Variants in TRPC1 observed in about 807,000 individuals in gnomAD.
TRPC1 encodes short transient receptor potential channel 1.
TRPC1 carries 42 observed loss-of-function variants against 88.2 expected under a neutral mutation model. The observed-to-expected ratio is 0.48, with a 90% confidence interval of 0.37 to 0.62. The LOEUF (loss-of-function observed/expected upper bound fraction) is 0.62, where lower values mean the gene tolerates loss of function less well. Among genes scored for constraint, TRPC1 ranks in the 20% least tolerant of loss-of-function variants. TRPC1 has a pLI of 0.00. For missense variants in TRPC1, 699 were observed against 957.3 expected (o/e 0.73, Z 3.56); for synonymous variants, 288 against 331.8 (o/e 0.87, Z 1.43).
chr3:142,762,428 A>ATTTTTT (rs755194552), intron 4 of TRPC1, among the ~76,000 whole-genome samples: 11 of 103,654 alleles, frequency 1.1e-4, no homozygotes, highest in African/African-American at 1.5e-4. Context: ...TTTATTCTTG[A>ATTTTTT]TTTTTTTTTT....
chr3:142,780,374 CAT>C (rs1316665163), intron 5 of TRPC1, among the ~76,000 whole-genome samples: 2 of 152,022 alleles, frequency 1.3e-5, no homozygotes, highest in South Asian at 2.1e-4. Flanking sequence ...TTAGAAGTAA[CAT>C]AAACATATTG....
chr3:142,784,971 G>T lies in TRPC1; in HGVS notation c.1228G>T (p.Glu410Ter). 6.2e-7 allele frequency: 1 copy of T among 1,613,788 alleles called. No individual in the cohort carries two copies. Among genetic ancestry groups the T allele is most frequent in the South Asian group, 1.1e-5 (1 of 91,024 alleles). Residue 410 changes from glutamate to a stop codon, truncating the protein, a stop_gained, in exon 7 of 13, where the codon GAG (glutamate) becomes TAG (stop). Transcript: ENST00000476941. LOFTEE classifies it high-confidence loss of function. The stretch of plus-strand genomic sequence containing the variant: ...TAATCTATACTCTCTTGTCTACAAT[G>T]AGGATAAGAAAAACACAATGGGGCC... The part of the protein sequence containing the change: ...LLNLYSLVYN[E>*]DKKNTMGPAL...
intron 4 of TRPC1, among the ~76,000 whole-genome samples, chr3:142,763,983 TACACATAC>T (rs1370028202): frequency 0.012 from 909 of 73,324 alleles, 74 homozygotes; most frequent in African/African-American, 0.045. Context: ...TATATATATA[TACACATAC>T]ATACATACAT....
intron 9 of TRPC1, among the ~76,000 whole-genome samples, chr3:142,795,232 G>A (rs1040002600): frequency 4.0e-5 from 6 of 151,820 alleles, no homozygotes; most frequent in Admixed American, 6.6e-5. Flanking sequence ...AACTTCAGGT[G>A]GCCTAATATT....
intron 4 of TRPC1, among the ~76,000 whole-genome samples, chr3:142,774,385 G>C (rs571010731): frequency 1.3e-5 from 2 of 152,228 alleles, no homozygotes; most frequent in Admixed American, 1.3e-4. Flanking sequence ...GCCTCAACTT[G>C]GTTTGCAACC....
In TRPC1 at chr3:142,767,911, GT is replaced by G. The variant is rs138611413; in HGVS notation, c.633-9711del. Among the ~76,000 whole-genome samples, 52,668 of 149,216 alleles carry G rather than the reference GT, an allele frequency of 0.35. 12,607 individuals carry two copies. The highest frequency in any genetic ancestry group is 0.69 in the African/African-American group (28,402 of 41,148). On this transcript the variant is annotated intron_variant, in intron 4 of 12. Transcript: ENST00000476941. This position sits in a 1 kb window ranked among gnomAD's most constrained non-coding sequence, Gnocchi z 5.1. ...TTTTATTGATGAATTGTGTGTGTAT[GT>G]TTTTTTTTTAACTTTTCTGATGGTA... is the stretch of plus-strand genomic sequence containing the variant.
chr3:142,777,413 A>T (rs183181326), intron 4 of TRPC1, among the ~76,000 whole-genome samples: 102 of 152,294 alleles, frequency 6.7e-4, no homozygotes, highest in African/African-American at 2.4e-3. Context: ...CAGTAAAAAA[A>T]TTTTCTAAAA....
At chr3:142,753,017 C>T (rs555428032) in intron 4 of TRPC1, among the ~76,000 whole-genome samples, 54 of 152,240 alleles carry the variant, frequency 3.5e-4, no homozygotes, top group Non-Finnish European at 5.1e-4. Flanking sequence ...GAGTCTCTTA[C>T]GTCTTTCCTT....
At chr3:142,734,721 T>G (rs555981282) in intron 1 of TRPC1, among the ~76,000 whole-genome samples, 1 of 151,990 alleles carries the variant, frequency 6.6e-6, no homozygotes, top group East Asian at 1.9e-4. Flanking sequence ...GAGGATTGCT[T>G]GAGGCCAGGA....
At chr3:142,758,764 G>T (rs1242989546) in intron 4 of TRPC1, among the ~76,000 whole-genome samples, 4 of 151,588 alleles carry the variant, frequency 2.6e-5, no homozygotes, top group Admixed American at 2.0e-4. Context: ...TGCCATGTTG[G>T]TGTGCTGCAC....
At chr3:142,744,704 AATC>A (rs1274965746) in intron 3 of TRPC1, among the ~76,000 whole-genome samples, 5 of 152,308 alleles carry the variant, frequency 3.3e-5, no homozygotes, top group South Asian at 2.1e-4. Context: ...GTTACCTAAC[AATC>A]ATCATCTCTC....
chr3:142,733,213 A>C (rs1431836996), intron 1 of TRPC1, among the ~76,000 whole-genome samples: 1 of 152,076 alleles, frequency 6.6e-6, no homozygotes, highest in Admixed American at 6.6e-5. Flanking sequence ...CAATAGAAAT[A>C]ATCTTTAAAA....
chr3:142,729,769 A>G (rs150558971), intron 1 of TRPC1, among the ~76,000 whole-genome samples: 36 of 152,304 alleles, frequency 2.4e-4, no homozygotes, highest in Admixed American at 9.2e-4. Flanking sequence ...TTTAAGATCA[A>G]TAGTTGAATA....
chr3:142,762,498 C>T (rs1325827540), intron 4 of TRPC1, among the ~76,000 whole-genome samples: 2 of 140,842 alleles, frequency 1.4e-5, no homozygotes, highest in South Asian at 4.5e-4. Context: ...GGCGTGATCT[C>T]GGCCACTGCA....
chr3:142,796,238 C>A (rs1267012045), intron 9 of TRPC1, among the ~76,000 whole-genome samples: 1 of 152,108 alleles, frequency 6.6e-6, no homozygotes, highest in Non-Finnish European at 1.5e-5. Flanking sequence ...TGATCTTAAT[C>A]ACTATACTAA....
chr3:142,727,511 C>T lies in TRPC1; in HGVS notation c.172+2780C>T, dbSNP rs563968675. On this transcript the variant is annotated intron_variant, in intron 1 of 12. Transcript: ENST00000476941. ...TAGCTGGCTTTTATGTAAGTAAGTT[C>T]GGTAGATTTAGGCAACTGCTGATCT... Among the ~76,000 whole-genome samples the T allele has an allele frequency of 1.3e-4, 20 of 152,222 alleles. No homozygotes were observed. In the East Asian group the frequency reaches 2.9e-3, roughly 22 times the overall value.
chr3:142,750,001 C>T (rs982538087), intron 4 of TRPC1, among the ~76,000 whole-genome samples: 2 of 152,210 alleles, frequency 1.3e-5, no homozygotes, highest in Admixed American at 1.3e-4. Context: ...CCATTCAGGA[C>T]ATAGGCATGG....
chr3:142,786,731 G>A (rs1936146193), intron 7 of TRPC1, among the ~76,000 whole-genome samples: 1 of 152,118 alleles, frequency 6.6e-6, no homozygotes, highest in African/African-American at 2.4e-5. Flanking sequence ...TCGCTAAGGA[G>A]CACTTTCCCT....
chr3:142,741,907 A>G (rs1934365089), intron 2 of TRPC1, among the ~76,000 whole-genome samples: 1 of 152,234 alleles, frequency 6.6e-6, no homozygotes, highest in Admixed American at 6.5e-5. Context: ...TCACGCCTGT[A>G]ATCCCAGCAC....
Sources: gnomAD v4.1 joint callset for allele counts (sites outside exome capture counted in the v4.1 genomes callset) on GRCh38, gnomAD v4.1.1 for gene constraint, Gnocchi (gnomAD v3.1) non-coding constraint, MANE v1.5 for transcripts, NCBI Gene and HGNC (gene_info 2026-07-23, HGNC 2026-07-21) for gene names.